The following DLG2 variants were observed in gnomAD, a reference collection of about 807,000 sequenced individuals.
DLG2 encodes discs large MAGUK scaffold protein 2, also known as disks large homolog 2.
In DLG2, 45 loss-of-function variants were observed where a neutral mutation model predicts 132.5. The ratio of observed to expected loss-of-function variants is 0.34; its 90% confidence interval spans 0.27 to 0.44. The LOEUF (loss-of-function observed/expected upper bound fraction) is 0.44, where lower values mean the gene tolerates loss of function less well. Ranked by LOEUF, DLG2 falls within the 20% of genes least tolerant of loss-of-function variation. The probability of loss-of-function intolerance (pLI) is 1.00; values close to 1 mark genes in which losing one functional copy is unlikely to be tolerated. For synonymous variants in DLG2, 424 were observed against 419.6 expected (o/e 1.01, Z -0.13); for missense variants, 1,045 against 1,196.9 (o/e 0.87, Z 1.87).
intron 4 of DLG2, among the ~76,000 whole-genome samples, chr11:85,218,832 G>A (rs1045609306): frequency 1.4e-4 from 21 of 152,080 alleles, no homozygotes; most frequent in African/African-American, 4.8e-4. Flanking sequence ...CCATCCATGG[G>A]AGATTAGATA....
At chr11:85,282,097 A>C (rs2078266452) in intron 4 of DLG2, among the ~76,000 whole-genome samples, 1 of 152,042 alleles carries the variant, frequency 6.6e-6, no homozygotes, top group African/African-American at 2.4e-5. Context: ...CATTATGTTA[A>C]GTGAGATAAG....
intron 7 of DLG2, among the ~76,000 whole-genome samples, chr11:84,416,207 A>G (rs2098929155): frequency 6.6e-6 from 1 of 152,092 alleles, no homozygotes; most frequent in African/African-American, 2.4e-5. Flanking sequence ...GTCAAAAATA[A>G]AGTCCACAAT....
intron 7 of DLG2, among the ~76,000 whole-genome samples, chr11:84,507,731 A>G (rs11234056): frequency 0.1 from 15,413 of 152,246 alleles, 851 homozygotes; most frequent in South Asian, 0.19. Flanking sequence ...TGAGATGATC[A>G]TAAGCTTTTT....
intron 7 of DLG2, among the ~76,000 whole-genome samples, chr11:84,395,138 T>C (rs1314340398): frequency 6.6e-6 from 1 of 152,220 alleles, no homozygotes; most frequent in African/African-American, 2.4e-5. Context: ...AACTTGTTTT[T>C]AATTTCAATT....
chr11:85,214,209 A>C (rs1245936336), intron 4 of DLG2, among the ~76,000 whole-genome samples: 13 of 152,024 alleles, frequency 8.6e-5, no homozygotes, highest in Admixed American at 8.5e-4. Flanking sequence ...TTCAGCTGCT[A>C]CTTTTTTCTC....
At position 83,493,336 on chromosome 11, in the gene DLG2, TTTCCTTCCTTCCTTCCTTCC is replaced by T. The variant is rs201830272; in HGVS notation, c.2194-9128_2194-9109del. On this transcript the variant is annotated intron_variant, in intron 21 of 27. Transcript: ENST00000376104. ...TTTGCCTTCCTTTGTCTTTTCTTTCTTTCCTTCCTTCCTTCCTTCCTTCCTTCCTTCCTTCCTTCCTTCCT... is the reference window on the plus strand; with the variant it reads ...TTTGCCTTCCTTTGTCTTTTCTTTCTTTCCTTCCTTCCTTCCTTCCTTCCT... Among the ~76,000 whole-genome samples, 766 of 132,158 alleles carry T rather than the reference TTTCCTTCCTTCCTTCCTTCC, an allele frequency of 5.8e-3. 4 individuals are homozygous for T. The highest frequency in any genetic ancestry group is 0.017 in the African/African-American group (601 of 34,758). 86.7% of individuals were successfully genotyped at this position (132,158 alleles called of 152,430 possible).
intron 19 of DLG2, among the ~76,000 whole-genome samples, chr11:83,543,560 C>A (rs1431375987): frequency 2.0e-5 from 3 of 152,098 alleles, no homozygotes; most frequent in Non-Finnish European, 4.4e-5. Context: ...TACTTAGTCT[C>A]TTTCAGGCTT....
At chr11:84,047,567 G>C (rs974671523) in intron 11 of DLG2, among the ~76,000 whole-genome samples, 6 of 151,384 alleles carry the variant, frequency 4.0e-5, no homozygotes, top group Non-Finnish European at 5.9e-5. Flanking sequence ...CTTTTCACAG[G>C]GCTTGTTGTG....
At chr11:83,553,831 TA>T (rs2096453984) in intron 19 of DLG2, among the ~76,000 whole-genome samples, 1 of 152,056 alleles carries the variant, frequency 6.6e-6, no homozygotes, top group South Asian at 2.1e-4. Context: ...TTTATACTTT[TA>T]GTATTTATAG....
intron 3 of DLG2, among the ~76,000 whole-genome samples, chr11:85,387,917 G>A (rs1303524117): frequency 6.6e-6 from 1 of 152,142 alleles, no homozygotes; most frequent in Admixed American, 6.5e-5. Flanking sequence ...ACTACCACAG[G>A]TACAACCAGG....
intron 17 of DLG2, among the ~76,000 whole-genome samples, chr11:83,796,989 G>C (rs1181542191): frequency 5.9e-5 from 9 of 152,168 alleles, no homozygotes; most frequent in Non-Finnish European, 7.4e-5. Context: ...CCTGGAGAAA[G>C]TGACATTGAG....
intron 6 of DLG2, among the ~76,000 whole-genome samples, chr11:84,787,190 C>T (rs530942149): frequency 1.3e-5 from 2 of 152,280 alleles, no homozygotes; most frequent in South Asian, 4.1e-4. Context: ...TGACTCTTGG[C>T]AAGTGTCTCT....
intron 3 of DLG2, among the ~76,000 whole-genome samples, chr11:85,307,886 G>A (rs1042305928): frequency 6.6e-6 from 1 of 152,172 alleles, no homozygotes; most frequent in African/African-American, 2.4e-5. Context: ...TGGGCGCGGT[G>A]GCTCATGCCT....
In DLG2 at chr11:85,064,861, T is replaced by C. The variant is rs118069249; in HGVS notation, c.357+46800A>G. Among the ~76,000 whole-genome samples, 249 of 151,674 alleles carry C rather than the reference T, an allele frequency of 1.6e-3. 6 individuals are homozygous for C. The East Asian group carries it at 0.046, about 28-fold the overall frequency. On this transcript the variant is annotated intron_variant, in intron 6 of 27. Coordinates refer to ENST00000376104, the MANE Select transcript of DLG2 (RefSeq NM_001142699.3). ...AGATTATAACATACAAATTCTGCCT[T>C]AGTTTCCACCCTTCCAGCCTCTCTC...
chr11:83,955,547 CCT>C (rs1338189275), intron 14 of DLG2, among the ~76,000 whole-genome samples: 2 of 152,192 alleles, frequency 1.3e-5, no homozygotes, highest in African/African-American at 4.8e-5. Context: ...CCCACTCTCC[CCT>C]GATTGGTTCT....
intron 6 of DLG2, among the ~76,000 whole-genome samples, chr11:84,819,084 C>CACACACACATACAT (rs779280865): frequency 6.1e-5 from 9 of 146,620 alleles, no homozygotes; most frequent in African/African-American, 2.2e-4. Flanking sequence ...AATACACACA[C>CACACACACATACAT]ACACACACAC....
intron 7 of DLG2, among the ~76,000 whole-genome samples, chr11:84,460,393 A>T (rs1413156905): frequency 6.6e-6 from 1 of 150,676 alleles, no homozygotes; most frequent in African/African-American, 2.4e-5. Context: ...CAAACAAATG[A>T]ACAAAGAACC....
At chr11:85,108,552 AT>A (rs869097584) in intron 6 of DLG2, among the ~76,000 whole-genome samples, 15 of 80,106 alleles carry the variant, frequency 1.9e-4, no homozygotes, top group African/African-American at 5.8e-4. Context: ...TTAACCGCCC[AT>A]TTTTTTTATT....
chr11:83,854,705 C>T (rs1488913718), intron 16 of DLG2, among the ~76,000 whole-genome samples: 4 of 152,050 alleles, frequency 2.6e-5, no homozygotes, highest in Non-Finnish European at 5.9e-5. Flanking sequence ...TGTTTGGATA[C>T]AACACCAAAG....
Sources: gnomAD v4.1 joint callset for allele counts (sites outside exome capture counted in the v4.1 genomes callset) on GRCh38, gnomAD v4.1.1 for gene constraint, MANE v1.5 for transcripts, NCBI Gene and HGNC (gene_info 2026-07-23, HGNC 2026-07-21) for gene names.